The following PPM1L variants were observed in gnomAD, a reference collection of about 807,000 sequenced individuals.
The protein encoded by PPM1L is protein phosphatase, Mg2+/Mn2+ dependent 1L.
A neutral mutation model predicts 31.4 loss-of-function variants in PPM1L; 13 were observed. That is an observed-to-expected ratio of 0.41 (90% confidence interval 0.27 to 0.66). PPM1L has a LOEUF of 0.66. PPM1L is among the 30% of genes least tolerant of loss of function. PPM1L has a pLI of 0.29. For missense variants in PPM1L, 326 were observed against 453.7 expected, an observed-to-expected ratio of 0.72 and a Z score of 2.56; for synonymous variants, 184 against 175.4, an observed-to-expected ratio of 1.05 and a Z score of -0.39.
At chr3:161,015,715 T>C (rs943434690) in intron 2 of PPM1L, among the ~76,000 whole-genome samples, 1 of 152,204 alleles carries the variant, frequency 6.6e-6, no homozygotes, top group Non-Finnish European at 1.5e-5. Context: ...GGAATCAGTT[T>C]ACTAAGCTAG....
At chr3:160,934,523 A>G (rs1714895159) in intron 1 of PPM1L, among the ~76,000 whole-genome samples, 1 of 152,188 alleles carries the variant, frequency 6.6e-6, no homozygotes, top group African/African-American at 2.4e-5. Context: ...GTCTCATGTA[A>G]TTCCTTCACT....
At chr3:160,793,057 G>C (rs1712148358) in intron 1 of PPM1L, among the ~76,000 whole-genome samples, 2 of 152,124 alleles carry the variant, frequency 1.3e-5, no homozygotes, top group South Asian at 4.1e-4. Context: ...TAACTGACAT[G>C]ACTTATGACT....
At chr3:160,884,181 G>A (rs1305259820) in intron 1 of PPM1L, among the ~76,000 whole-genome samples, 1 of 152,292 alleles carries the variant, frequency 6.6e-6, no homozygotes, top group Non-Finnish European at 1.5e-5. Context: ...GTTATGTAAA[G>A]ATAATATGAT....
At chr3:160,841,485 A>G (rs1199458356) in intron 1 of PPM1L, among the ~76,000 whole-genome samples, 1 of 152,170 alleles carries the variant, frequency 6.6e-6, no homozygotes, top group Non-Finnish European at 1.5e-5. Flanking sequence ...GTACAGCCCA[A>G]CTGTATATTT....
chr3:160,844,928 C>T (rs1044852430), intron 1 of PPM1L, among the ~76,000 whole-genome samples: 2 of 152,094 alleles, frequency 1.3e-5, no homozygotes, highest in Non-Finnish European at 2.9e-5. Flanking sequence ...TCCCCCCAAC[C>T]TAGGCAAACA....
chr3:160,809,371 C>T (rs1426790242), intron 1 of PPM1L, among the ~76,000 whole-genome samples: 1 of 152,112 alleles, frequency 6.6e-6, no homozygotes, highest in Non-Finnish European at 1.5e-5. Context: ...CCCTCTTCCT[C>T]CCTACATGGA....
intron 1 of PPM1L, among the ~76,000 whole-genome samples, chr3:160,912,190 G>A (rs562229050): frequency 4.6e-5 from 7 of 152,246 alleles, no homozygotes; most frequent in South Asian, 4.1e-4. Flanking sequence ...TGCAAGCTCC[G>A]TCCTGGGCCC....
At chr3:160,908,212 TTTG>T (rs1378858234) in intron 1 of PPM1L, among the ~76,000 whole-genome samples, 3 of 152,180 alleles carry the variant, frequency 2.0e-5, no homozygotes, top group Non-Finnish European at 4.4e-5. Flanking sequence ...TTCAAGAAAC[TTTG>T]TTGTTGGTTT....
At chr3:161,022,139 T>TG (rs1718250845) in intron 2 of PPM1L, 1 of 681,440 alleles carries the variant, frequency 1.5e-6, no homozygotes, top group African/African-American at 1.8e-5. Flanking sequence ...TCCATTTTTT[T>TG]TTTTTTTACC....
At chr3:160,959,233 C>T (rs889891953) in intron 1 of PPM1L, among the ~76,000 whole-genome samples, 3 of 151,066 alleles carry the variant, frequency 2.0e-5, no homozygotes, top group African/African-American at 4.9e-5. Context: ...CACTTATAAG[C>T]GAGAGCTAAG....
At position 161,048,096 on chromosome 3, in the gene PPM1L, T is replaced by A. The variant is rs564281001; in HGVS notation, c.575-17307T>A. On this transcript the variant is annotated intron_variant, in intron 2 of 3. Transcript: ENST00000498165. ...GCCAAAATTGACAAATGGGATCTAA[T>A]TAAACTAAAGAGCTTCTGCACAGCA... Among the ~76,000 whole-genome samples the A allele has an allele frequency of 2.1e-4, 32 of 152,288 alleles. No individual in the cohort carries two copies. The South Asian group carries it at 4.6e-3, about 22-fold the overall frequency.
chr3:160,915,591 C>G (rs1421046282), intron 1 of PPM1L, among the ~76,000 whole-genome samples: 1 of 152,076 alleles, frequency 6.6e-6, no homozygotes, highest in African/African-American at 2.4e-5. Context: ...AAAAGGAGCC[C>G]GCATTGCCAA....
In PPM1L at chr3:161,077,669, A is replaced by G. The variant is rs1720148873; in HGVS notation, c.*8512A>G. ...AGAAAGTTAACATTTCAGGAGCACA[A>G]TTATTTCCTGATTTCAAATATGAAC... On this transcript the variant is annotated 3_prime_UTR_variant, in exon 4 of 4. Coordinates refer to ENST00000498165, the MANE Select transcript of PPM1L (RefSeq NM_139245.4). The G allele has an allele frequency of 6.6e-6, 1 of 152,236 alleles. No individual in the cohort carries two copies. The highest frequency in any genetic ancestry group is 1.5e-5 in the Non-Finnish European group (1 of 68,044). The allele number at this position is 152,236 out of a possible 1,614,324, so 9.4% of individuals were successfully genotyped here. A position where few individuals can be genotyped will look rare whatever the true frequency, so the allele number is the denominator to read the frequency against.
intron 1 of PPM1L, among the ~76,000 whole-genome samples, chr3:160,808,383 C>CTGTGTGTGTGTGTGTGTG (rs71912617): frequency 3.6e-5 from 4 of 110,308 alleles, no homozygotes; most frequent in South Asian, 3.2e-4. Context: ...CAGGATTTTC[C>CTGTGTGTGTGTGTGTGTG]TGTGTGTGTG....
intron 1 of PPM1L, among the ~76,000 whole-genome samples, chr3:160,884,198 T>C (rs1325876761): frequency 6.6e-6 from 1 of 152,196 alleles, no homozygotes; most frequent in Non-Finnish European, 1.5e-5. Flanking sequence ...TGATTATTGC[T>C]TTAAGAGATA....
chr3:160,807,201 C>T (rs1233165608), intron 1 of PPM1L, among the ~76,000 whole-genome samples: 1 of 152,130 alleles, frequency 6.6e-6, no homozygotes, highest in Non-Finnish European at 1.5e-5. Flanking sequence ...GAAAATCACT[C>T]TGGATGAACA....
chr3:161,035,934 A>G (rs915418430), intron 2 of PPM1L: 2 of 152,258 alleles, frequency 1.3e-5, no homozygotes, highest in African/African-American at 4.8e-5. Context: ...TGAGCTATAC[A>G]TATGATGTCC....
At chr3:160,770,279 CAG>C (rs1715216563) in intron 1 of PPM1L, among the ~76,000 whole-genome samples, 1 of 152,046 alleles carries the variant, frequency 6.6e-6, no homozygotes, top group Non-Finnish European at 1.5e-5. Flanking sequence ...CTAGAACTAA[CAG>C]AACAATATTT....
intron 1 of PPM1L, among the ~76,000 whole-genome samples, chr3:160,928,410 A>G (rs1383090713): frequency 6.6e-6 from 1 of 152,160 alleles, no homozygotes; most frequent in Non-Finnish European, 1.5e-5. Flanking sequence ...AACAGGGCCA[A>G]CTAGAGTCTT....
Sources: gnomAD v4.1 joint callset for allele counts (sites outside exome capture counted in the v4.1 genomes callset) on GRCh38, gnomAD v4.1.1 for gene constraint, MANE v1.5 for transcripts, NCBI Gene and HGNC (gene_info 2026-07-23, HGNC 2026-07-21) for gene names.